Variants in DOCK5 observed in about 807,000 individuals in gnomAD.
The protein encoded by DOCK5 is dedicator of cytokinesis protein 5.
DOCK5 carries 142 observed loss-of-function variants against 251.8 expected under a neutral mutation model. The ratio of observed to expected loss-of-function variants is 0.56; its 90% CI spans 0.49 to 0.65. The LOEUF (loss-of-function observed/expected upper bound fraction) is 0.65. Ranked by LOEUF, DOCK5 falls within the 30% of genes least tolerant of loss-of-function variation. The pLI is 0.00. For missense variants in DOCK5, 2,111 were observed against 2,312.3 expected, an observed-to-expected ratio of 0.91 and a Z score of 1.79; for synonymous variants, 842 against 835.5, an observed-to-expected ratio of 1.01 and a Z score of -0.13.
At chr8:25,237,275 G>A (rs972017696) in intron 1 of DOCK5, among the ~76,000 whole-genome samples, 6 of 152,016 alleles carry the variant, frequency 3.9e-5, no homozygotes, top group Admixed American at 1.3e-4. Context: ...GGGATGAGGC[G>A]GGAGGATCAC....
chr8:25,412,933 T>C lies in DOCK5; in HGVS notation c.*1635T>C, dbSNP rs1801656880. 6.6e-6 allele frequency: 1 copy of C among 152,026 alleles called. No individual in the cohort carries two copies. Among genetic ancestry groups the C allele is most frequent in the Non-Finnish European group, 1.5e-5 (1 of 68,018 alleles). 9.4% of individuals were successfully genotyped at this position (152,026 alleles called of 1,614,324 possible). Reference sequence around the variant, plus strand: ...ATGAGTATGCAGATTCTGGAAGGGGTGTGGAAAAGGTGATCCTTTACCCCC... The same window carrying C: ...ATGAGTATGCAGATTCTGGAAGGGGCGTGGAAAAGGTGATCCTTTACCCCC... On this transcript the variant is annotated 3_prime_UTR_variant, in exon 52 of 52. Transcript: ENST00000276440.
Position 25,412,078 on chromosome 8 carries a change from C to CTTTTTTTTTTTTTTTTTTT in DOCK5, c.*785_*803dup, listed in dbSNP as rs56131241. ...GAAGCTCTTCCTTTTGCACATACGG[C>CTTTTTTTTTTTTTTTTTTT]TTTTTTTTTTTTTTTTTTTTTTTGT... On this transcript the variant is annotated 3_prime_UTR_variant, in exon 52 of 52. Transcript: ENST00000276440. 1.2e-5 allele frequency: 1 copy of CTTTTTTTTTTTTTTTTTTT among 82,846 alleles called. No individual in the cohort carries two copies. The highest frequency in any genetic ancestry group is 2.1e-5 in the Non-Finnish European group (1 of 47,912). The allele number at this position is 82,846 out of a possible 1,614,324, so 5.1% of individuals were successfully genotyped here.
At chr8:25,299,867 T>A (rs1804716030) in intron 8 of DOCK5, among the ~76,000 whole-genome samples, 1 of 152,214 alleles carries the variant, frequency 6.6e-6, no homozygotes, top group South Asian at 2.1e-4. Flanking sequence ...AAAAAAAATT[T>A]TTTAATGTCA....
At chr8:25,202,794 C>T (rs902085659) in intron 1 of DOCK5, among the ~76,000 whole-genome samples, 1 of 152,090 alleles carries the variant, frequency 6.6e-6, no homozygotes, top group South Asian at 2.1e-4. Context: ...CACAATATGC[C>T]AGTATTACCA....
At chr8:25,231,910 A>G (rs1334179724) in intron 1 of DOCK5, among the ~76,000 whole-genome samples, 2 of 152,114 alleles carry the variant, frequency 1.3e-5, no homozygotes, top group African/African-American at 2.4e-5. Flanking sequence ...ATCTATTAAG[A>G]TGATCATATT....
At chr8:25,260,086 TTGTC>T (rs148283089) in intron 2 of DOCK5, among the ~76,000 whole-genome samples, 10,984 of 152,198 alleles carry the variant, frequency 0.072, 543 homozygotes, top group Admixed American at 0.15. Flanking sequence ...ACCCAGCCCT[TTGTC>T]TGTCCTGTGA....
chr8:25,345,107 A>T (rs956555928), intron 25 of DOCK5, among the ~76,000 whole-genome samples: 7 of 149,830 alleles, frequency 4.7e-5, no homozygotes, highest in African/African-American at 1.7e-4. Context: ...AAAATTTTTG[A>T]AAAAAAAAAT....
intron 47 of DOCK5, among the ~76,000 whole-genome samples, chr8:25,402,845 C>T (rs1801461623): frequency 6.6e-6 from 1 of 152,170 alleles, no homozygotes; most frequent in Non-Finnish European, 1.5e-5. Context: ...TCCTGTCTGC[C>T]CACCTTCAGT....
chr8:25,395,979 C>T, intron 45 of DOCK5: 1 of 542,508 alleles, frequency 1.8e-6, no homozygotes, highest in Non-Finnish European at 3.4e-6. Context: ...ACCTGTTATT[C>T]TGTCTCCCCT....
At position 25,412,815 on chromosome 8, in the gene DOCK5, C is replaced by T. The variant is rs959738731; in HGVS notation, c.*1517C>T. The T allele has an allele frequency of 1.3e-4, 20 of 152,036 alleles. No individual in the cohort carries two copies. The highest frequency in any genetic ancestry group is 4.6e-4 in the African/African-American group (19 of 41,346). The allele number at this position is 152,036 out of a possible 1,614,324, so 9.4% of individuals were successfully genotyped here. A position where few individuals can be genotyped will look rare whatever the true frequency, so the allele number is the denominator to read the frequency against. ...GCCTGATTCTCTGTGTTTCCTGTTTCACCGCCACCCTTTCAGGAGAGAACT... is the reference window on the plus strand; with the variant it reads ...GCCTGATTCTCTGTGTTTCCTGTTTTACCGCCACCCTTTCAGGAGAGAACT... On this transcript the variant is annotated 3_prime_UTR_variant, in exon 52 of 52. Transcript: ENST00000276440.
chr8:25,321,308 A>G lies in DOCK5; in HGVS notation c.1615+256A>G, dbSNP rs185399808. On this transcript the variant is annotated intron_variant, in intron 16 of 51. Transcript: ENST00000276440. ...ATATTCTCAAAGACAGCAGTCCTCA[A>G]TCTTTGGCACCAGAGACTGGTTTTG... Among the ~76,000 whole-genome samples, 258 of 152,320 alleles carry G rather than the reference A, an allele frequency of 1.7e-3. 2 individuals carry two copies. The highest frequency in any genetic ancestry group is 6.0e-3 in the African/African-American group (249 of 41,558).
chr8:25,366,358 G>A (rs1295485689), intron 30 of DOCK5, among the ~76,000 whole-genome samples: 1 of 152,150 alleles, frequency 6.6e-6, no homozygotes, highest in South Asian at 2.1e-4. Context: ...AGGCCTGGTA[G>A]TGGGTGCCTG....
intron 23 of DOCK5, 111 bp downstream of exon 23, chr8:25,341,099 C>A: frequency 1.5e-6 from 1 of 687,004 alleles, no homozygotes; most frequent in Non-Finnish European, 2.4e-6. Flanking sequence ...ATGGTTCATG[C>A]ATAGCTTATG....
chr8:25,189,046 CTTTT>C (rs869176300), intron 1 of DOCK5, among the ~76,000 whole-genome samples: 3 of 33,452 alleles, frequency 9.0e-5, no homozygotes, highest in East Asian at 1.0e-3. Context: ...TTCTTTCTTT[CTTTT>C]TTTTTTTTTT....
intron 22 of DOCK5, among the ~76,000 whole-genome samples, chr8:25,339,948 C>G (rs1805909565): frequency 6.6e-6 from 1 of 152,224 alleles, no homozygotes; most frequent in Non-Finnish European, 1.5e-5. Flanking sequence ...ATGTGAGATA[C>G]TCCAGCCCCA....
In DOCK5 at chr8:25,302,429, A is replaced by G. The variant is rs1402303406; in HGVS notation, c.951A>G (p.Gly317=). The G allele has an allele frequency of 6.3e-7, 1 of 1,579,388 alleles. No individual in the cohort carries two copies. The highest frequency in any genetic ancestry group is 8.6e-7 in the Non-Finnish European group (1 of 1,162,584). The part of the protein sequence containing the change: ...ELKEGKKHTC[G]LRRPFGVAVM... ...AGGAAGGCAAGAAGCACACCTGTGG[A>G]CTCCGAAGACCTTTTGGAGTGGCAG... The change falls in exon 10 of 52, where the codon GGA becomes GGG. Residue 317 remains glycine (G), a synonymous_variant. Coordinates refer to ENST00000276440, the MANE Select transcript of DOCK5 (RefSeq NM_024940.8).
chr8:25,197,564 C>T (rs1171520359), intron 1 of DOCK5, among the ~76,000 whole-genome samples: 4 of 131,686 alleles, frequency 3.0e-5, no homozygotes, highest in African/African-American at 8.9e-5. Context: ...CTTTAAGGAT[C>T]GTGTCTTTGT....
chr8:25,380,430 G>A, intron 39 of DOCK5, 36 bp downstream of exon 39: 3 of 1,537,494 alleles, frequency 2.0e-6, no homozygotes, highest in Non-Finnish European at 2.7e-6. Context: ...GCCTCTGACA[G>A]GGTTGCTAAA....
intron 25 of DOCK5, among the ~76,000 whole-genome samples, chr8:25,343,104 T>C (rs1054121388): frequency 6.6e-6 from 1 of 152,072 alleles, no homozygotes; most frequent in African/African-American, 2.4e-5. Flanking sequence ...GTTCAAGTGA[T>C]TCTCCTGCCT....
Sources: gnomAD v4.1 joint callset for allele counts (sites outside exome capture counted in the v4.1 genomes callset) on GRCh38, gnomAD v4.1.1 for gene constraint, MANE v1.5 for transcripts, NCBI Gene and HGNC (gene_info 2026-07-23, HGNC 2026-07-21) for gene names.